LRRN2: variants seen among roughly 807,000 people sequenced by gnomAD.
LRRN2 encodes leucine rich repeat neuronal 2, also known as leucine-rich repeat neuronal protein 2.
In LRRN2, 10 loss-of-function variants were observed where a neutral mutation model predicts 35.7. The ratio of observed to expected loss-of-function variants is 0.28; its 90% CI spans 0.17 to 0.47. The LOEUF is 0.47. LRRN2 is among the 20% of genes least tolerant of loss of function. The pLI is 0.99. For missense variants in LRRN2, 731 were observed against 940.3 expected (o/e 0.78, Z 2.91); for synonymous variants, 391 against 409.6 (o/e 0.95, Z 0.55).
intron 1 of LRRN2, among the ~76,000 whole-genome samples, chr1:204,684,949 C>T (rs1669035652): frequency 6.6e-6 from 1 of 152,258 alleles, no homozygotes; most frequent in African/African-American, 2.4e-5. Flanking sequence ...TCCTCCACAT[C>T]TCCAGGGCCC....
rs74138514 is a variant in LRRN2 at position 204,667,668 on chromosome 1, C to T, written c.-227+17652G>A. ...GTGCTCAGTTCATGGGAGGAGTTCT[C>T]AGGGCTTTAGGGAGGGTTTCCTGGA... On this transcript the variant is annotated intron_variant, in intron 1 of 1. Coordinates refer to ENST00000367177, the MANE Select transcript of LRRN2 (RefSeq NM_201630.2). Among the ~76,000 whole-genome samples, 1,041 of 152,158 alleles carry T rather than the reference C, an allele frequency of 6.8e-3. 18 individuals carry two copies. The highest frequency in any genetic ancestry group is 0.024 in the African/African-American group (1,015 of 41,498).
intron 1 of LRRN2, among the ~76,000 whole-genome samples, chr1:204,649,393 G>A (rs1668175902): frequency 6.6e-6 from 1 of 152,208 alleles, no homozygotes; most frequent in Non-Finnish European, 1.5e-5. Flanking sequence ...GCACACAGAT[G>A]CAGTGTGTGA....
rs1558395467 is a variant in LRRN2 at position 204,620,055 on chromosome 1, T to C, written c.-63A>G. 3 of 1,541,840 alleles carry C rather than the reference T, an allele frequency of 1.9e-6. No individual in the cohort carries two copies. The highest frequency in any genetic ancestry group is 2.6e-6 in the Non-Finnish European group (3 of 1,143,020). ...GTCTGGAGTCCTGCTCTTTGTGTTT[T>C]GCAGGGTAAGGGTCAGCAACCCTGC... is the stretch of plus-strand genomic sequence containing the variant. On this transcript the variant is annotated 5_prime_UTR_variant, in exon 2 of 2. Coordinates refer to ENST00000367177, the MANE Select transcript of LRRN2 (RefSeq NM_201630.2).
chr1:204,622,683 T>TAA (rs1338080419), intron 1 of LRRN2, among the ~76,000 whole-genome samples: 4 of 152,006 alleles, frequency 2.6e-5, no homozygotes, highest in Non-Finnish European at 5.9e-5. Flanking sequence ...AAGCTGAGTC[T>TAA]CCGAGAGGTC....
At chr1:204,643,676 A>G (rs11240239) in intron 1 of LRRN2, among the ~76,000 whole-genome samples, 82,738 of 151,574 alleles carry the variant, frequency 0.55, 23,799 homozygotes, top group East Asian at 0.68. Flanking sequence ...CATTTTTCCC[A>G]TTGTGACAGC....
At chr1:204,654,863 T>C (rs942506702) in intron 1 of LRRN2, among the ~76,000 whole-genome samples, 2 of 152,192 alleles carry the variant, frequency 1.3e-5, no homozygotes, top group Non-Finnish European at 2.9e-5. Context: ...CTGAAAACTA[T>C]GAAAATTGGC....
At chr1:204,637,245 G>A (rs1021306751) in intron 1 of LRRN2, among the ~76,000 whole-genome samples, 9 of 152,234 alleles carry the variant, frequency 5.9e-5, no homozygotes, top group Admixed American at 1.3e-4. Flanking sequence ...TAAAGCAAAT[G>A]AGCTTCTTTC....
At chr1:204,683,191 A>C (rs1207665469) in intron 1 of LRRN2, among the ~76,000 whole-genome samples, 1 of 152,236 alleles carries the variant, frequency 6.6e-6, no homozygotes, top group Non-Finnish European at 1.5e-5. Context: ...CAGGCCCACC[A>C]GCCCAGGCTC....
intron 1 of LRRN2, among the ~76,000 whole-genome samples, chr1:204,677,275 G>A (rs535776644): frequency 3.9e-5 from 6 of 152,300 alleles, no homozygotes; most frequent in African/African-American, 1.4e-4. Context: ...GGGTTGTGCT[G>A]GGGTACAGCG....
At chr1:204,644,310 C>T (rs1454845040) in intron 1 of LRRN2, among the ~76,000 whole-genome samples, 2 of 152,138 alleles carry the variant, frequency 1.3e-5, no homozygotes, top group Non-Finnish European at 2.9e-5. Context: ...CTGGGCTTTC[C>T]ATCTGTACCA....
rs1270022858 is a variant in LRRN2 at position 204,617,791 on chromosome 1, C to G, written c.*60G>C. 16 of 1,588,516 alleles carry G rather than the reference C, an allele frequency of 1.0e-5. No homozygotes were observed. The highest frequency in any genetic ancestry group is 1.3e-5 in the African/African-American group (1 of 74,440). On this transcript the variant is annotated 3_prime_UTR_variant, in exon 2 of 2. Coordinates refer to ENST00000367177, the MANE Select transcript of LRRN2 (RefSeq NM_201630.2). ...CTGGCAGGGCATCTGGCCCAGACTG[C>G]TTCTCTTTTGGTAAAAAGTAGTCCT...
chr1:204,645,151 G>A (rs1668077276), intron 1 of LRRN2, among the ~76,000 whole-genome samples: 1 of 152,238 alleles, frequency 6.6e-6, no homozygotes, highest in African/African-American at 2.4e-5. Flanking sequence ...TCCAACTCTT[G>A]TGTGACTGGT....
intron 1 of LRRN2, among the ~76,000 whole-genome samples, chr1:204,661,734 G>A (rs1179095250): frequency 6.6e-6 from 1 of 152,198 alleles, no homozygotes; most frequent in African/African-American, 2.4e-5. Flanking sequence ...CCCTTGGCAG[G>A]GAGGGTTAGA....
chr1:204,640,442 A>G (rs1035417919), intron 1 of LRRN2, among the ~76,000 whole-genome samples: 2 of 152,218 alleles, frequency 1.3e-5, no homozygotes, highest in African/African-American at 4.8e-5. Context: ...CGTTATTATT[A>G]TCAGATAGAA....
intron 1 of LRRN2, among the ~76,000 whole-genome samples, chr1:204,637,747 C>T (rs112230095): frequency 2.0e-5 from 3 of 151,370 alleles, no homozygotes; most frequent in African/African-American, 7.3e-5. Context: ...GGGAAGGCCC[C>T]GACCCCCGGG....
rs558238162 is a variant in LRRN2, at chr1:204,619,160, G to A, written c.833C>T (p.Pro278Leu). The change falls in exon 2 of 2, where the codon CCG becomes CTG. Residue 278 changes from proline to leucine, a missense_variant. Physicochemically the swap from Pro to Leu is moderately conservative, Grantham distance 98. Around this residue, in one of 3 missense-constraint regions of LRRN2, gnomAD observed 256 missense variants for 392.4 expected, o/e 0.65. Coordinates refer to ENST00000367177, the MANE Select transcript of LRRN2 (RefSeq NM_201630.2). ...LNKNPLQRVG[P>L]GDFANMLHLK... ...GTGCAGCATGTTGGCAAAGTCCCCCGGCCCTACCCGCTGGAGCGGGTTCTT... is the reference window on the plus strand; with the variant it reads ...GTGCAGCATGTTGGCAAAGTCCCCCAGCCCTACCCGCTGGAGCGGGTTCTT... 2.1e-5 allele frequency: 34 copies of A among 1,614,040 alleles called. No homozygotes were observed. Among genetic ancestry groups the A allele is most frequent in the South Asian group, 1.9e-4 (17 of 91,086 alleles).
intron 1 of LRRN2, among the ~76,000 whole-genome samples, chr1:204,635,645 T>A (rs1667815676): frequency 6.6e-6 from 1 of 152,214 alleles, no homozygotes; most frequent in Non-Finnish European, 1.5e-5. Context: ...TCATCTTAAA[T>A]AAATGTTCCT....
intron 1 of LRRN2, among the ~76,000 whole-genome samples, chr1:204,659,361 C>A (rs1668421621): frequency 6.6e-6 from 1 of 152,166 alleles, no homozygotes; most frequent in Middle Eastern, 3.2e-3. Flanking sequence ...GGAGACAGGG[C>A]CACACTTACC....
chr1:204,665,671 C>T (rs574686292), intron 1 of LRRN2, among the ~76,000 whole-genome samples: 52 of 152,326 alleles, frequency 3.4e-4, no homozygotes, highest in African/African-American at 1.3e-3. Flanking sequence ...TCTCTTGTCA[C>T]CTCACTTTTC....
Sources: gnomAD v4.1 joint callset for allele counts (sites outside exome capture counted in the v4.1 genomes callset) on GRCh38, gnomAD v4.1.1 for gene constraint, gnomAD v4.1.1 regional missense constraint, MANE v1.5 for transcripts, NCBI Gene and HGNC (gene_info 2026-07-23, HGNC 2026-07-21) for gene names.